Variants in NDUFB6 observed in about 807,000 individuals in gnomAD.
NDUFB6 encodes the protein NADH:ubiquinone oxidoreductase subunit B6.
A neutral mutation model predicts 17.5 loss-of-function variants in NDUFB6; 23 were observed. The ratio of observed to expected loss-of-function variants is 1.31; its 90% CI spans 0.94 to 1.86. The LOEUF is 1.86. NDUFB6 is among the 40% of genes most tolerant of loss of function. The pLI, the probability that NDUFB6 is intolerant of heterozygous loss-of-function variation, is 0.00. For synonymous variants in NDUFB6, 60 were observed against 53.5 expected (o/e 1.12, Z -0.53); for missense variants, 167 against 153.8 (o/e 1.09, Z -0.46).
intron 2 of NDUFB6, among the ~76,000 whole-genome samples, chr9:32,569,728 A>G (rs981127511): frequency 5.9e-5 from 9 of 152,140 alleles, no homozygotes; most frequent in Middle Eastern, 3.4e-3. Flanking sequence ...ATGTTGCCCA[A>G]GCCGGTCGAA....
intron 2 of NDUFB6, among the ~76,000 whole-genome samples, chr9:32,560,831 T>C (rs1382807442): frequency 6.6e-6 from 1 of 152,206 alleles, no homozygotes. Context: ...CATAGTTTAA[T>C]AGAATTTTAA....
At chr9:32,558,202 C>T (rs1196269952) in intron 3 of NDUFB6, among the ~76,000 whole-genome samples, 1 of 149,682 alleles carries the variant, frequency 6.7e-6, no homozygotes. Flanking sequence ...AGCTCCACCT[C>T]CCAGGTTCAC....
rs545686898 is a variant in NDUFB6, at chr9:32,568,818, T to G, written c.273+2142A>C. ...CAGGATGGAGTGCAGTGGTGCAATC[T>G]CAGCTCACTGCAACCTCCGCCTCCC... On this transcript the variant is annotated intron_variant, in intron 2 of 3. Coordinates refer to ENST00000379847, the MANE Select transcript of NDUFB6 (RefSeq NM_002493.5). Among the ~76,000 whole-genome samples the G allele has an allele frequency of 2.7e-5, 4 of 145,700 alleles. No individual in the cohort carries two copies. In the South Asian group the frequency reaches 8.9e-4, roughly 32 times the overall value.
chr9:32,557,863 C>A (rs1220454924), intron 3 of NDUFB6, among the ~76,000 whole-genome samples: 2 of 152,172 alleles, frequency 1.3e-5, no homozygotes, highest in African/African-American at 4.8e-5. Context: ...CCTGTTGCAA[C>A]AGATAATCAT....
At position 32,553,004 on chromosome 9, in the gene NDUFB6, A is replaced by T; in HGVS notation, c.*872T>A. On this transcript the variant is annotated 3_prime_UTR_variant, in exon 4 of 4. Coordinates refer to ENST00000379847, the MANE Select transcript of NDUFB6 (RefSeq NM_002493.5). ...TATAAAAATAAAATTCATAATGCAA[A>T]GTTCCCAAGTTTATTTTTGCATTAT... The T allele has an allele frequency of 1.7e-6, 1 of 595,714 alleles. No individual in the cohort carries two copies. Among genetic ancestry groups the T allele is most frequent in the Non-Finnish European group, 3.0e-6 (1 of 334,900 alleles). 36.9% of individuals were successfully genotyped at this position (595,714 alleles called of 1,614,324 possible).
rs1821983513 is a variant in NDUFB6, at chr9:32,573,126, G to A, written c.-66C>T. 2.1e-6 allele frequency: 3 copies of A among 1,438,438 alleles called. No homozygotes were observed. The highest frequency in any genetic ancestry group is 1.4e-5 in the African/African-American group (1 of 69,140). The allele number at this position is 1,438,438 out of a possible 1,614,324, so 89.1% of individuals were successfully genotyped here. ...CGAACTACGGACTAGTTACTTAAGC[G>A]CGCTCCCGCTCTGCAAAGCGACCTT... On this transcript the variant is annotated 5_prime_UTR_variant, in exon 1 of 4. Coordinates refer to ENST00000379847, the MANE Select transcript of NDUFB6 (RefSeq NM_002493.5).
intron 1 of NDUFB6, among the ~76,000 whole-genome samples, chr9:32,571,357 T>C (rs897119465): frequency 1.1e-4 from 16 of 152,196 alleles, no homozygotes; most frequent in Non-Finnish European, 2.1e-4. Flanking sequence ...TTGTTAAAGA[T>C]AAAATATAGC....
Position 32,558,959 on chromosome 9 carries a change from A to G in NDUFB6, c.274-5T>C, listed in dbSNP as rs370888774. The G allele has an allele frequency of 3.0e-5, 47 of 1,576,232 alleles. No individual in the cohort carries two copies. Among genetic ancestry groups the G allele is most frequent in the Non-Finnish European group, 3.7e-5 (43 of 1,148,962 alleles). Reference sequence around the variant, plus strand: ...AACTATGCCATATGGTTTTTCCTGTAATAAAAGTTAACTCTGTGTTAATTA... The same window carrying G: ...AACTATGCCATATGGTTTTTCCTGTGATAAAAGTTAACTCTGTGTTAATTA... On this transcript the variant is annotated splice_region_variant and splice_polypyrimidine_tract_variant and intron_variant, in intron 2 of 3. Transcript: ENST00000379847.
In NDUFB6 at chr9:32,573,043, C is replaced by T. The variant is rs772038892; in HGVS notation, c.18G>A (p.Pro6=). The part of the protein sequence containing the change: MTGYT[P]DEKLRLQQLR... ...GCTGCTGCAGCCGCAGTTTCTCATC[C>T]GGAGTGTACCCCGTCATGTCGCCGC... Residue 6 remains proline, a synonymous_variant, in exon 1 of 4, where the codon CCG becomes CCA. Coordinates refer to ENST00000379847, the MANE Select transcript of NDUFB6 (RefSeq NM_002493.5). 1 of 1,588,002 alleles carries T rather than the reference C, an allele frequency of 6.3e-7. No individual in the cohort carries two copies. The highest frequency in any genetic ancestry group is 8.6e-7 in the Non-Finnish European group (1 of 1,166,788).
At chr9:32,567,423 G>A in intron 2 of NDUFB6, 1 of 458,832 alleles carries the variant, frequency 2.2e-6, no homozygotes, top group Non-Finnish European at 4.4e-6. Flanking sequence ...CCTTCTCCCA[G>A]GTTCAAGGGA....
intron 2 of NDUFB6, chr9:32,568,376 T>C: frequency 4.1e-6 from 1 of 245,796 alleles, no homozygotes; most frequent in Non-Finnish European, 8.7e-6. Context: ...GGTGCTCCTT[T>C]TGGATGAGCA....
chr9:32,562,638 T>A (rs978425229), intron 2 of NDUFB6, among the ~76,000 whole-genome samples: 1 of 152,226 alleles, frequency 6.6e-6, no homozygotes, highest in Non-Finnish European at 1.5e-5. Context: ...AATTGCTGAC[T>A]AGTTTATTAC....
intron 3 of NDUFB6, among the ~76,000 whole-genome samples, chr9:32,558,117 A>ATTTTTT (rs74178816): frequency 2.2e-5 from 3 of 135,224 alleles, no homozygotes; most frequent in Non-Finnish European, 3.2e-5. Flanking sequence ...CATAGTATAC[A>ATTTTTT]TTTTTTTTTT....
rs1275917626 is a variant in NDUFB6, at chr9:32,572,982, C to A, written c.79G>T (p.Glu27Ter). ...AGCACCGGCTCCCGAGGGCTCAGCTCCTGGTCCTTCAGCCATCGCCTTCTC... is the reference window on the plus strand; with the variant it reads ...AGCACCGGCTCCCGAGGGCTCAGCTACTGGTCCTTCAGCCATCGCCTTCTC... ...ELRRRWLKDQ[E>*]LSPREPVLPP... The change falls in exon 1 of 4, where the codon GAG (glutamate) becomes TAG (stop). Residue 27 changes from glutamate (E) to a stop codon, truncating the protein, a stop_gained. Coordinates refer to ENST00000379847, the MANE Select transcript of NDUFB6 (RefSeq NM_002493.5). LOFTEE classifies it high-confidence loss of function. 1.2e-6 allele frequency: 2 copies of A among 1,612,078 alleles called. No individual in the cohort carries two copies. Among genetic ancestry groups the A allele is most frequent in the Non-Finnish European group, 1.7e-6 (2 of 1,178,964 alleles).
At chr9:32,572,149 G>A (rs778692246) in intron 1 of NDUFB6, among the ~76,000 whole-genome samples, 1 of 152,176 alleles carries the variant, frequency 6.6e-6, no homozygotes, top group African/African-American at 2.4e-5. Context: ...GCACCCGTGT[G>A]TTACGTAGTA....
chr9:32,564,869 A>C (rs1468731150), intron 2 of NDUFB6, among the ~76,000 whole-genome samples: 1 of 152,248 alleles, frequency 6.6e-6, no homozygotes. Flanking sequence ...TAAATGTATC[A>C]AGTTGAATCA....
chr9:32,565,871 T>C (rs1821770039), intron 2 of NDUFB6, among the ~76,000 whole-genome samples: 1 of 150,832 alleles, frequency 6.6e-6, no homozygotes, highest in Admixed American at 6.6e-5. Context: ...ACTTGGGAGG[T>C]TGAGGCAGGA....
At chr9:32,558,333 G>A (rs1053635566) in intron 3 of NDUFB6, among the ~76,000 whole-genome samples, 5 of 152,118 alleles carry the variant, frequency 3.3e-5, no homozygotes, top group African/African-American at 4.8e-5. Context: ...GAATGGTCTC[G>A]ATCTCCTGAC....
At chr9:32,562,874 C>T (rs982599591) in intron 2 of NDUFB6, among the ~76,000 whole-genome samples, 1 of 152,142 alleles carries the variant, frequency 6.6e-6, no homozygotes, top group South Asian at 2.1e-4. Context: ...ACTGCCAACA[C>T]CGTCACTGTT....
Sources: gnomAD v4.1 joint callset for allele counts (sites outside exome capture counted in the v4.1 genomes callset) on GRCh38, gnomAD v4.1.1 for gene constraint, MANE v1.5 for transcripts, NCBI Gene and HGNC (gene_info 2026-07-23, HGNC 2026-07-21) for gene names.